Variants in TIAM1 observed in about 807,000 individuals in gnomAD.
TIAM1 encodes TIAM Rac1 associated GEF 1.
Under a neutral mutation model 163.5 loss-of-function variants are expected in TIAM1, and 65 were observed. That is an observed-to-expected ratio of 0.40 (90% confidence interval 0.33 to 0.49). The LOEUF is 0.49. Ranked by LOEUF, TIAM1 falls within the 20% of genes least tolerant of loss-of-function variation. The pLI is 0.77. For missense variants in TIAM1, 1,789 were observed against 2,044.7 expected (o/e 0.87, Z 2.41); for synonymous variants, 833 against 810.1 (o/e 1.03, Z -0.48).
chr21:31,351,948 C>T (rs983099568), intron 2 of TIAM1, among the ~76,000 whole-genome samples: 1 of 151,796 alleles, frequency 6.6e-6, no homozygotes, highest in Non-Finnish European at 1.5e-5. Flanking sequence ...TGTGCCTGTA[C>T]TCCCAGCTAC....
chr21:31,517,431 A>T (rs564969618), intron 1 of TIAM1, among the ~76,000 whole-genome samples: 147 of 152,320 alleles, frequency 9.7e-4, no homozygotes, highest in African/African-American at 3.5e-3. Context: ...AATGGATGAT[A>T]CTATTACTAT....
chr21:31,559,082 T>C (rs1473549884), upstream of TIAM1: 1 of 151,966 alleles, frequency 6.6e-6, no homozygotes, highest in Non-Finnish European at 1.5e-5. Flanking sequence ...AACCCGCTCG[T>C]GGTCTGCCAA....
chr21:31,413,472 G>A (rs1451008052), intron 2 of TIAM1, among the ~76,000 whole-genome samples: 3 of 151,564 alleles, frequency 2.0e-5, no homozygotes. Context: ...GGGTTTCACC[G>A]TGTTAGCCAG....
intron 3 of TIAM1, 107 bp from the exon 4 acceptor site, chr21:31,267,090 A>G: frequency 6.9e-7 from 1 of 1,455,288 alleles, no homozygotes. Flanking sequence ...ACCTTGGCTC[A>G]CAGGGGTTGT....
chr21:31,428,106 A>G (rs2147272520), intron 2 of TIAM1, among the ~76,000 whole-genome samples: 1 of 152,236 alleles, frequency 6.6e-6, no homozygotes, highest in African/African-American at 2.4e-5. Context: ...TACTAAAAAT[A>G]CAAAATTAGC....
At chr21:31,197,200 C>T (rs532811372) in intron 12 of TIAM1, among the ~76,000 whole-genome samples, 21 of 152,116 alleles carry the variant, frequency 1.4e-4, no homozygotes, top group Non-Finnish European at 2.8e-4. Context: ...GCGATATACT[C>T]AGGTAACAAA....
chr21:31,454,374 G>C (rs1311358840), intron 2 of TIAM1, among the ~76,000 whole-genome samples: 2 of 152,152 alleles, frequency 1.3e-5, no homozygotes, highest in African/African-American at 4.8e-5. Context: ...AATTTTAAGA[G>C]CATGTCAGAA....
intron 1 of TIAM1, among the ~76,000 whole-genome samples, chr21:31,554,545 C>T (rs144575276): frequency 6.6e-6 from 1 of 152,226 alleles, no homozygotes; most frequent in Non-Finnish European, 1.5e-5. Context: ...TACTTGGTGA[C>T]AGGACCAAGC....
chr21:31,121,834 C>A (rs1039323032), intron 27 of TIAM1, among the ~76,000 whole-genome samples: 1 of 152,236 alleles, frequency 6.6e-6, no homozygotes, highest in African/African-American at 2.4e-5. Flanking sequence ...CACACACATA[C>A]ACGAGACTGC....
In TIAM1 at chr21:31,266,772, G is replaced by A. The variant is rs745446921; in HGVS notation, c.201C>T (p.Ser67=). 5.0e-6 allele frequency: 8 copies of A among 1,614,104 alleles called. No homozygotes were observed. Among genetic ancestry groups the A allele is most frequent in the Non-Finnish European group, 2.5e-6 (3 of 1,180,056 alleles). Residue 67 remains serine, a synonymous_variant, in exon 4 of 28, where the codon TCC becomes TCT. Coordinates refer to ENST00000541036, the MANE Select transcript of TIAM1 (RefSeq NM_001353694.2). ...AGGGCTCCAGGCCATTTTCAGCCAG[G>A]GACTGGGGGATGCTGGGGGTGCTGC... ...RSSSTPSIPQ[S]LAENGLEPFS... is the part of the protein sequence containing the mutation.
intron 2 of TIAM1, among the ~76,000 whole-genome samples, chr21:31,410,253 GTA>G (rs1370040487): frequency 6.6e-6 from 1 of 151,954 alleles, no homozygotes; most frequent in Non-Finnish European, 1.5e-5. Flanking sequence ...GTGTGACAGT[GTA>G]TATATTTGTG....
intron 1 of TIAM1, among the ~76,000 whole-genome samples, chr21:31,515,838 T>A (rs941613037): frequency 4.6e-5 from 7 of 152,158 alleles, no homozygotes; most frequent in African/African-American, 1.7e-4. Flanking sequence ...ACTGGACACA[T>A]GGCTCACACC....
chr21:31,486,938 G>A (rs2046292463), intron 1 of TIAM1, among the ~76,000 whole-genome samples: 1 of 152,190 alleles, frequency 6.6e-6, no homozygotes, highest in African/African-American at 2.4e-5. Context: ...GGTCAGGAGA[G>A]GACAGGCAGT....
intron 2 of TIAM1, among the ~76,000 whole-genome samples, chr21:31,379,624 A>G (rs565601119): frequency 6.6e-6 from 1 of 152,316 alleles, no homozygotes; most frequent in Admixed American, 6.5e-5. Flanking sequence ...AAATAACCCA[A>G]ATGTCCATCA....
In TIAM1 at chr21:31,397,845, A is replaced by G. The variant is rs991686064; in HGVS notation, c.-368-58423T>C. ...ATGGAAAACAGGGAAATGAGAAGGG[A>G]CAGAGGCAACAGGTCTCACACTAAC... On this transcript the variant is annotated intron_variant, in intron 2 of 28. Transcript: ENST00000286827. Among the ~76,000 whole-genome samples the G allele has an allele frequency of 4.6e-5, 7 of 152,240 alleles. No individual in the cohort carries two copies. The East Asian group carries it at 9.6e-4, about 21-fold the overall frequency.
chr21:31,539,343 G>A (rs2048245116), intron 1 of TIAM1, among the ~76,000 whole-genome samples: 1 of 149,882 alleles, frequency 6.7e-6, no homozygotes, highest in Non-Finnish European at 1.5e-5. Context: ...TCGGCTCACT[G>A]CAAGCTCCAC....
At chr21:31,387,195 C>CTCTCTTTT (rs759122075) in intron 2 of TIAM1, among the ~76,000 whole-genome samples, 11 of 75,164 alleles carry the variant, frequency 1.5e-4, no homozygotes, top group African/African-American at 5.6e-4. Context: ...AGCTTATTCT[C>CTCTCTTTT]TTTTTTTTTT....
chr21:31,157,074 T>A (rs2146336867), intron 16 of TIAM1, among the ~76,000 whole-genome samples: 1 of 152,312 alleles, frequency 6.6e-6, no homozygotes, highest in African/African-American at 2.4e-5. Context: ...AAGAAACCAT[T>A]TTTACTGTAG....
intron 1 of TIAM1, among the ~76,000 whole-genome samples, chr21:31,343,119 T>C (rs2076068201): frequency 6.6e-6 from 1 of 152,182 alleles, no homozygotes; most frequent in Non-Finnish European, 1.5e-5. Context: ...GTAAACATTC[T>C]CATGAAGGAT....
Sources: gnomAD v4.1 joint callset for allele counts (sites outside exome capture counted in the v4.1 genomes callset) on GRCh38, gnomAD v4.1.1 for gene constraint, MANE v1.5 for transcripts, NCBI Gene and HGNC (gene_info 2026-07-23, HGNC 2026-07-21) for gene names.